MTHFD1L: variants seen among roughly 807,000 people sequenced by gnomAD.
MTHFD1L encodes the protein monofunctional C1-tetrahydrofolate synthase, mitochondrial.
Under a neutral mutation model 119.5 loss-of-function variants are expected in MTHFD1L, and 81 were observed. The observed-to-expected ratio is 0.68, with a 90% CI of 0.57 to 0.82. The LOEUF is 0.82. MTHFD1L is among the 40% of genes least tolerant of loss of function. MTHFD1L has a pLI of 0.00. For missense variants in MTHFD1L, 1,125 were observed against 1,253.4 expected (o/e 0.90, Z 1.55); for synonymous variants, 430 against 475.2 (o/e 0.90, Z 1.24).
At chr6:150,872,172 G>A (rs1287730252) in intron 1 of MTHFD1L, among the ~76,000 whole-genome samples, 4 of 152,024 alleles carry the variant, frequency 2.6e-5, no homozygotes, top group South Asian at 2.1e-4. Context: ...CACTGCGCCC[G>A]GCCTAATAAG....
At chr6:151,056,787 G>A (rs1562608259) in intron 26 of MTHFD1L, among the ~76,000 whole-genome samples, 1 of 152,172 alleles carries the variant, frequency 6.6e-6, no homozygotes, top group Admixed American at 6.5e-5. Context: ...CCAGTTACAA[G>A]CCTGTGTGCT....
chr6:150,972,175 T>A, intron 20 of MTHFD1L, 117 bp downstream of exon 20: 11 of 841,094 alleles, frequency 1.3e-5, no homozygotes, highest in Non-Finnish European at 2.1e-5. Context: ...GGCACCCTCT[T>A]TCATAGAGGG....
rs1027063008 is a variant in MTHFD1L at position 150,866,217 on chromosome 6, G to A, written c.227+168G>A. The A allele has an allele frequency of 1.1e-4, 148 of 1,376,498 alleles. 1 individual carries two copies. Among genetic ancestry groups the A allele is most frequent in the Non-Finnish European group, 1.3e-4 (137 of 1,058,844 alleles). 85.3% of individuals were successfully genotyped at this position (1,376,498 alleles called of 1,614,324 possible). ...GTCGGGAAACGCGGGCTTGGGCACT[G>A]CGGCCGGGAGCGCTGGCGGAGAACG... On this transcript the variant is annotated intron_variant, in intron 1 of 27. Transcript: ENST00000367321.
At chr6:150,893,506 A>G (rs1783696693) in intron 7 of MTHFD1L, among the ~76,000 whole-genome samples, 1 of 152,266 alleles carries the variant, frequency 6.6e-6, no homozygotes, top group South Asian at 2.1e-4. Flanking sequence ...ATGGCTACTA[A>G]GTAGAAGGAC....
At chr6:150,878,321 G>A (rs1171151712) in intron 4 of MTHFD1L, among the ~76,000 whole-genome samples, 2 of 150,966 alleles carry the variant, frequency 1.3e-5, no homozygotes, top group African/African-American at 4.9e-5. Flanking sequence ...GTGCCATCTC[G>A]GCTCACTGCA....
At position 150,963,113 on chromosome 6, in the gene MTHFD1L, G is replaced by A. The variant is rs186704538; in HGVS notation, c.1945-1856G>A. On this transcript the variant is annotated intron_variant, in intron 18 of 27. Transcript: ENST00000367321. ...GTATTTTTAGTAGAGATGGGGTTTT[G>A]CTATGTTGGCCAGGCTGGTCTCGAA... 5.8e-3 allele frequency among the ~76,000 whole-genome samples: 880 copies of A among 151,840 alleles called. 11 individuals carry two copies. The highest frequency in any genetic ancestry group is 0.019 in the African/African-American group (804 of 41,400).
intron 20 of MTHFD1L, among the ~76,000 whole-genome samples, chr6:151,003,207 A>AAAC (rs538009040): frequency 1.3e-5 from 2 of 152,136 alleles, no homozygotes; most frequent in East Asian, 1.9e-4. Context: ...AATTCAAGAA[A>AAAC]AACAACAACA....
intron 21 of MTHFD1L, among the ~76,000 whole-genome samples, chr6:151,012,817 C>A (rs533544910): frequency 6.6e-6 from 1 of 152,218 alleles, no homozygotes; most frequent in African/African-American, 2.4e-5. Flanking sequence ...AAGCTGAAGA[C>A]CCAGGAGAGG....
intron 15 of MTHFD1L, among the ~76,000 whole-genome samples, chr6:150,948,139 C>T (rs1794296463): frequency 6.6e-6 from 1 of 151,996 alleles, no homozygotes; most frequent in African/African-American, 2.4e-5. Context: ...TCCCAAGTAG[C>T]TGGGATTACA....
intron 26 of MTHFD1L, among the ~76,000 whole-genome samples, chr6:151,053,646 G>C (rs991247016): frequency 6.6e-6 from 1 of 152,066 alleles, no homozygotes; most frequent in Non-Finnish European, 1.5e-5. Context: ...GATCACCTGA[G>C]GTCGGGAATT....
At chr6:151,005,445 C>G (rs1459287245) in intron 20 of MTHFD1L, among the ~76,000 whole-genome samples, 3 of 152,114 alleles carry the variant, frequency 2.0e-5, no homozygotes, top group Non-Finnish European at 4.4e-5. Flanking sequence ...TTGGCACTTT[C>G]TTTTATTTTC....
intron 20 of MTHFD1L, among the ~76,000 whole-genome samples, chr6:151,008,148 C>A (rs1781658532): frequency 6.6e-6 from 1 of 152,136 alleles, no homozygotes. Flanking sequence ...GGAAACAACC[C>A]AAATGTTCAG....
intron 20 of MTHFD1L, among the ~76,000 whole-genome samples, chr6:150,981,072 A>G (rs1777420778): frequency 6.6e-6 from 1 of 152,222 alleles, no homozygotes; most frequent in Non-Finnish European, 1.5e-5. Context: ...CCTGAAAAAA[A>G]AATACATATG....
At chr6:150,885,610 C>A in intron 5 of MTHFD1L, 24 bp from the exon 6 acceptor site, 1 of 1,594,648 alleles carries the variant, frequency 6.3e-7, no homozygotes, top group Non-Finnish European at 8.6e-7. Flanking sequence ...TTGACTTAAC[C>A]TACTTCTTTA....
chr6:150,991,545 T>A (rs1471196575), intron 20 of MTHFD1L, among the ~76,000 whole-genome samples: 1 of 152,228 alleles, frequency 6.6e-6, no homozygotes, highest in Non-Finnish European at 1.5e-5. Context: ...AATTACTGTG[T>A]ATTACTTTTG....
rs1160057639 is a variant in MTHFD1L at position 150,905,760 on chromosome 6, AG to A, written c.892+1del. The A allele has an allele frequency of 7.5e-6, 12 of 1,607,234 alleles. No homozygotes were observed. The highest frequency in any genetic ancestry group is 1.0e-5 in the Non-Finnish European group (12 of 1,173,798). On this transcript the variant is annotated frameshift_variant and splice_region_variant, in exon 8 of 28. Transcript: ENST00000367321. LOFTEE classifies it high-confidence loss of function. ...VLNCSHDFLS[G>X]KVGCGSPRIH... ...TCAACTGCTCCCATGACTTCCTGTC[AG>A]GTAAATGTCTTCACATTGGTGTTGA...
intron 18 of MTHFD1L, among the ~76,000 whole-genome samples, chr6:150,961,186 C>T (rs952809127): frequency 2.6e-5 from 4 of 151,106 alleles, no homozygotes; most frequent in African/African-American, 4.9e-5. Context: ...CCCTGCCTCC[C>T]GGATTCAAGC....
At chr6:151,059,167 A>G (rs993564797) in intron 26 of MTHFD1L, among the ~76,000 whole-genome samples, 4 of 151,358 alleles carry the variant, frequency 2.6e-5, no homozygotes, top group Non-Finnish European at 4.4e-5. Flanking sequence ...TTTTAGCTCC[A>G]GGCTGCTACA....
At chr6:150,936,622 A>G (rs976317868) in intron 11 of MTHFD1L, among the ~76,000 whole-genome samples, 182 bp from the exon 12 acceptor site, 1 of 152,152 alleles carries the variant, frequency 6.6e-6, no homozygotes, top group African/African-American at 2.4e-5. Flanking sequence ...GTGTGTCTGT[A>G]TCTTGACTTT....
Sources: allele counts gnomAD v4.1 joint callset (sites outside exome capture counted in the v4.1 genomes callset), GRCh38; gene constraint gnomAD v4.1.1; transcripts MANE v1.5; gene names NCBI Gene and HGNC (gene_info 2026-07-23, HGNC 2026-07-21).